The following MAP1B variants were observed in gnomAD, a reference collection of about 807,000 sequenced individuals.
MAP1B encodes the protein microtubule-associated protein 1B.
In MAP1B, 12 loss-of-function variants were observed where a neutral mutation model predicts 176.1. The observed-to-expected ratio is 0.07, with a 90% CI of 0.04 to 0.11. The LOEUF (loss-of-function observed/expected upper bound fraction) is 0.11, where lower values mean the gene tolerates loss of function less well. MAP1B is among the 10% of genes least tolerant of loss of function. MAP1B has a pLI of 1.00. For synonymous variants in MAP1B, 1,044 were observed against 1,135.0 expected (o/e 0.92, Z 1.61); for missense variants, 2,523 against 2,990.5 (o/e 0.84, Z 3.65).
At chr5:72,156,356 TCTGA>T (rs1271978906) in intron 2 of MAP1B, among the ~76,000 whole-genome samples, 6 of 152,168 alleles carry the variant, frequency 3.9e-5, no homozygotes, top group African/African-American at 1.4e-4. Context: ...TAGAAACCTG[TCTGA>T]CTAAGTGAGC....
chr5:72,196,008 A>T lies in MAP1B; in HGVS notation c.2653A>T (p.Thr885Ser). The T allele has an allele frequency of 6.2e-6, 10 of 1,614,230 alleles. No homozygotes were observed. The highest frequency in any genetic ancestry group is 8.5e-6 in the Non-Finnish European group (10 of 1,180,036). Residue 885 changes from threonine (T) to serine (S), a missense_variant, in exon 5 of 7, where the codon ACC becomes TCC. Transcript: ENST00000296755. This position sits in a 1 kb window ranked among gnomAD's most constrained non-coding sequence, Gnocchi z 5.3. Reference protein sequence around the residue: ...AYVIQKEREVTKGPAESPDEG... With the variant: ...AYVIQKEREVSKGPAESPDEG... ...CGTCATCCAGAAGGAGAGAGAAGTC[A>T]CCAAAGGTCCTGCCGAGTCCCCTGA...
At chr5:72,117,998 T>C (rs1411410125) in intron 2 of MAP1B, among the ~76,000 whole-genome samples, 1 of 152,240 alleles carries the variant, frequency 6.6e-6, no homozygotes, top group Non-Finnish European at 1.5e-5. Context: ...GATCACAGGA[T>C]GATCACTGGA....
chr5:72,189,950 A>T (rs191118089), intron 4 of MAP1B, among the ~76,000 whole-genome samples: 1 of 152,256 alleles, frequency 6.6e-6, no homozygotes, highest in East Asian at 1.9e-4. Context: ...GAAACATTTT[A>T]AGAAGAGAAA....
chr5:72,149,948 C>T (rs970776614), intron 2 of MAP1B, among the ~76,000 whole-genome samples: 1 of 152,134 alleles, frequency 6.6e-6, no homozygotes, highest in Non-Finnish European at 1.5e-5. Flanking sequence ...AAATCCTTAG[C>T]AGGATTAAGT....
At chr5:72,147,393 G>C (rs1746065097) in intron 2 of MAP1B, among the ~76,000 whole-genome samples, 1 of 151,944 alleles carries the variant, frequency 6.6e-6, no homozygotes, top group South Asian at 2.1e-4. Flanking sequence ...GGTTACCTGT[G>C]CCTCATCACT....
chr5:72,116,114 GAGAA>G (rs1370667856), intron 2 of MAP1B: 3 of 328,666 alleles, frequency 9.1e-6, no homozygotes, highest in African/African-American at 4.3e-5. Flanking sequence ...AAGAGAGAGA[GAGAA>G]AGAGAGAGAG....
In MAP1B at chr5:72,196,008, A is replaced by G; in HGVS notation, c.2653A>G (p.Thr885Ala). 2 of 1,614,230 alleles carry G rather than the reference A, an allele frequency of 1.2e-6. No individual in the cohort carries two copies. The highest frequency in any genetic ancestry group is 1.3e-5 in the African/African-American group (1 of 75,062). The change falls in exon 5 of 7, where the codon ACC becomes GCC. Residue 885 changes from threonine (T) to alanine (A), a missense_variant. By Grantham distance (58) the Thr-to-Ala change is moderately conservative (BLOSUM62 0). Around this residue, in one of 4 missense-constraint regions of MAP1B, gnomAD observed 1,925 missense variants for 2,126.0 expected, o/e 0.91. Coordinates refer to ENST00000296755, the MANE Select transcript of MAP1B (RefSeq NM_005909.5). The surrounding 1 kb of genome is among the most constrained non-coding windows in gnomAD (Gnocchi z 5.3). ...CGTCATCCAGAAGGAGAGAGAAGTC[A>G]CCAAAGGTCCTGCCGAGTCCCCTGA... is the stretch of plus-strand genomic sequence containing the variant. ...AYVIQKEREV[T>A]KGPAESPDEG...
Position 72,186,735 on chromosome 5 carries a change from A to C in MAP1B, c.491A>C (p.Glu164Ala). 1 of 1,614,112 alleles carries C rather than the reference A, an allele frequency of 6.2e-7. No individual in the cohort carries two copies. The highest frequency in any genetic ancestry group is 8.5e-7 in the Non-Finnish European group (1 of 1,180,030). Residue 164 changes from glutamate (E) to alanine (A), a missense_variant, in exon 4 of 7, where the codon GAG (glutamate) becomes GCG (alanine). This residue lies in a region of MAP1B where 307 missense variants were observed against 438.4 expected (regional missense o/e 0.70). Coordinates refer to ENST00000296755, the MANE Select transcript of MAP1B (RefSeq NM_005909.5). The surrounding 1 kb of genome is among the most constrained non-coding windows in gnomAD (Gnocchi z 4.3). ...SGSFSFQNFI[E>A]IFTDQEIGEL... is the part of the protein sequence containing the mutation. ...TCTTTCTCCTTCCAGAACTTCATAG[A>C]GATTTTCACCGATCAAGAGGTAGGT...
intron 4 of MAP1B, among the ~76,000 whole-genome samples, chr5:72,190,148 C>T (rs1746996120): frequency 1.3e-5 from 2 of 152,146 alleles, no homozygotes; most frequent in Admixed American, 6.5e-5. Context: ...GTTTTCAATA[C>T]CATCTTCTAT....
In MAP1B at chr5:72,208,911, A is replaced by G. The variant is rs1747511378; in HGVS notation, c.*3672A>G. The G allele has an allele frequency of 6.6e-6, 1 of 151,758 alleles. No individual in the cohort carries two copies. Among genetic ancestry groups the G allele is most frequent in the Admixed American group, 6.6e-5 (1 of 15,256 alleles). The allele number at this position is 151,758 out of a possible 1,614,324, so 9.4% of individuals were successfully genotyped here. ...TAATAACTTTTTTTTTTTGTGCTTC[A>G]GATTTAGAAGAAAAGATCCTGTTTC... On this transcript the variant is annotated 3_prime_UTR_variant, in exon 7 of 7. Transcript: ENST00000296755.
chr5:72,109,034 A>C (rs1329277743), intron 1 of MAP1B, among the ~76,000 whole-genome samples: 2 of 152,216 alleles, frequency 1.3e-5, no homozygotes, highest in Non-Finnish European at 2.9e-5. Context: ...GCGTTCACGC[A>C]GCCCTCGTTC....
chr5:72,136,713 G>A (rs568384171), intron 2 of MAP1B, among the ~76,000 whole-genome samples: 2 of 152,240 alleles, frequency 1.3e-5, no homozygotes, highest in East Asian at 3.9e-4. Flanking sequence ...CCTCCAATTA[G>A]GGTGTGTCCT....
At chr5:72,148,064 A>G (rs115252520) in intron 2 of MAP1B, among the ~76,000 whole-genome samples, 1,625 of 152,346 alleles carry the variant, frequency 0.011, 28 homozygotes, top group African/African-American at 0.037. Context: ...TACTCAGTTT[A>G]TAGCCAATTA....
rs1304446808 is a variant in MAP1B, at chr5:72,199,713, GA to G, written c.6362del (p.Lys2121SerfsTer115). ...FASEEPTEES[E>X]KPLTQSGGAP... ...CAGTGAAGAACCCACTGAAGAATCT[GA>G]AAAGCCCCTCACTCAATCAGGGGGA... On this transcript the variant is annotated frameshift_variant, in exon 5 of 7. Transcript: ENST00000296755. LOFTEE classifies it high-confidence loss of function. This position sits in a 1 kb window ranked among gnomAD's most constrained non-coding sequence, Gnocchi z 4.2. The G allele has an allele frequency of 6.2e-7, 1 of 1,614,118 alleles. No homozygotes were observed. The highest frequency in any genetic ancestry group is 1.1e-5 in the South Asian group (1 of 91,074).
chr5:72,163,916 CTTTTTTTTTTTTTCTT>C (rs1411768048), intron 2 of MAP1B, among the ~76,000 whole-genome samples: 1 of 97,102 alleles, frequency 1.0e-5, no homozygotes, highest in Non-Finnish European at 1.9e-5. Flanking sequence ...CTCTCTCTCT[CTTTTTTTTTTTTTCTT>C]TTTTTTTTTT....
At position 72,197,120 on chromosome 5, in the gene MAP1B, G is replaced by T; in HGVS notation, c.3765G>T (p.Lys1255Asn). The stretch of plus-strand genomic sequence containing the variant: ...CAAGTGAAAAGGTCAGCCCATCGAA[G>T]AGCCCGTCCCTGAGTCCATCTCCAC... ...AVSSEKVSPS[K>N]SPSLSPSPPS... The change falls in exon 5 of 7, where the codon AAG (lysine) becomes AAT (asparagine). Residue 1255 changes from lysine to asparagine, a missense_variant. Around this residue, in one of 4 missense-constraint regions of MAP1B, gnomAD observed 1,925 missense variants for 2,126.0 expected, o/e 0.91. Coordinates refer to ENST00000296755, the MANE Select transcript of MAP1B (RefSeq NM_005909.5). 6.2e-7 allele frequency: 1 copy of T among 1,614,216 alleles called. No individual in the cohort carries two copies. The highest frequency in any genetic ancestry group is 1.3e-5 in the African/African-American group (1 of 75,054).
Position 72,115,796 on chromosome 5 carries a change from C to T in MAP1B, c.283C>T (p.Pro95Ser), listed in dbSNP as rs2112120748. The part of the protein sequence containing the change: ...RHSARFSPEV[P>S]GQKILHHRSD... ...CTCTGCAAGATTCTCTCCTGAAGTC[C>T]CAGGTGAGGCTTCCGCTCAGTGTTG... Residue 95 changes from proline to serine, a missense_variant, in exon 2 of 7, where the codon CCA (proline) becomes TCA (serine). Physicochemically the swap from Pro to Ser is moderately conservative, Grantham distance 74. Around this residue, in one of 4 missense-constraint regions of MAP1B, gnomAD observed 307 missense variants for 438.4 expected, o/e 0.70. Coordinates refer to ENST00000296755, the MANE Select transcript of MAP1B (RefSeq NM_005909.5). 6.2e-7 allele frequency: 1 copy of T among 1,606,752 alleles called. No homozygotes were observed. The highest frequency in any genetic ancestry group is 8.5e-7 in the Non-Finnish European group (1 of 1,173,362).
intron 2 of MAP1B, among the ~76,000 whole-genome samples, chr5:72,138,654 T>C (rs1745881384): frequency 6.6e-6 from 1 of 152,232 alleles, no homozygotes; most frequent in African/African-American, 2.4e-5. Flanking sequence ...TAATCAGTAA[T>C]GATTAATCAA....
intron 2 of MAP1B, among the ~76,000 whole-genome samples, chr5:72,152,635 T>C (rs1216209970): frequency 6.6e-6 from 1 of 152,078 alleles, no homozygotes; most frequent in African/African-American, 2.4e-5. Context: ...TTAGTAGAGA[T>C]GGGGTTTTAC....
Sources: gnomAD v4.1 joint callset for allele counts (sites outside exome capture counted in the v4.1 genomes callset) on GRCh38, gnomAD v4.1.1 for gene constraint, gnomAD v4.1.1 regional missense constraint, Gnocchi (gnomAD v3.1) non-coding constraint, MANE v1.5 for transcripts, NCBI Gene and HGNC (gene_info 2026-07-23, HGNC 2026-07-21) for gene names.